The following KIAA0930 variants were observed in gnomAD, a reference collection of about 807,000 sequenced individuals.
KIAA0930 encodes uncharacterized protein KIAA0930.
Under a neutral mutation model 43.9 loss-of-function variants are expected in KIAA0930, and 24 were observed. The observed-to-expected ratio is 0.55, with a 90% confidence interval of 0.40 to 0.77. The LOEUF (loss-of-function observed/expected upper bound fraction) is 0.77. Ranked by LOEUF, KIAA0930 falls within the 30% of genes least tolerant of loss-of-function variation. KIAA0930 has a pLI of 0.00. For missense variants in KIAA0930, 461 were observed against 574.2 expected, an observed-to-expected ratio of 0.80 and a Z score of 2.02; for synonymous variants, 259 against 216.4, an observed-to-expected ratio of 1.20 and a Z score of -1.73.
At chr22:45,214,842 G>C (rs144025279) in intron 1 of KIAA0930, among the ~76,000 whole-genome samples, 2 of 152,162 alleles carry the variant, frequency 1.3e-5, no homozygotes, top group Non-Finnish European at 2.9e-5. Flanking sequence ...CCAGGAGTTC[G>C]AGGCTGCAGT....
chr22:45,204,014 G>A (rs778911788), intron 5 of KIAA0930, 29 bp from the exon 6 acceptor site: 37 of 1,612,688 alleles, frequency 2.3e-5, no homozygotes, highest in Non-Finnish European at 2.5e-5. Context: ...AGACAGGGAC[G>A]TGACCATCAG....
rs537857098 is a variant in KIAA0930 at position 45,200,085 on chromosome 22, C to T, written c.853-50G>A. On this transcript the variant is annotated intron_variant, in intron 7 of 9. Transcript: ENST00000336156. Reference sequence around the variant, plus strand: ...CAGAGTAGCAGAACAGCCCCCTCCCCGGGGGTCCCAACGCCCCTCCTATCC... The same window carrying T: ...CAGAGTAGCAGAACAGCCCCCTCCCTGGGGGTCCCAACGCCCCTCCTATCC... 5.4e-5 allele frequency: 82 copies of T among 1,522,254 alleles called. 1 individual carries two copies. The highest frequency in any genetic ancestry group is 1.5e-4 in the East Asian group (6 of 39,590). 94.3% of individuals were successfully genotyped at this position (1,522,254 alleles called of 1,614,324 possible).
At chr22:45,228,632 AC>A (rs2083818008) in intron 1 of KIAA0930, among the ~76,000 whole-genome samples, 1 of 151,644 alleles carries the variant, frequency 6.6e-6, no homozygotes, top group Admixed American at 6.6e-5. Flanking sequence ...TGTGGGCAAT[AC>A]CTCGCTCAAG....
intron 1 of KIAA0930, chr22:45,213,496 G>A (rs534965653): frequency 2.9e-5 from 34 of 1,192,758 alleles, no homozygotes; most frequent in Admixed American, 7.0e-5. Context: ...CCGGGGGAAC[G>A]AAACACGCGT....
chr22:45,210,635 C>T (rs540424710), intron 2 of KIAA0930, among the ~76,000 whole-genome samples: 95 of 152,280 alleles, frequency 6.2e-4, no homozygotes, highest in African/African-American at 2.2e-3. Context: ...GATTGTACAC[C>T]CAGACAGGGC....
intron 1 of KIAA0930, among the ~76,000 whole-genome samples, chr22:45,237,339 A>AGG (rs1363212115): frequency 6.6e-6 from 1 of 152,224 alleles, no homozygotes; most frequent in Non-Finnish European, 1.5e-5. Flanking sequence ...CCCACAAGGC[A>AGG]GGGATCAGGG....
In KIAA0930 at chr22:45,203,887, G is replaced by A. The variant is rs764310659; in HGVS notation, c.615C>T (p.Gly205=). The A allele has an allele frequency of 3.7e-6, 6 of 1,614,072 alleles. No individual in the cohort carries two copies. In the Admixed American group the frequency reaches 8.3e-5, roughly 22 times the overall value. The stretch of plus-strand genomic sequence containing the variant: ...TCTTGAGCGCCTCGTAGCGGATGGA[G>A]CCCTGAAAGATGACCCCCTGGAACG... ...TNTFQGVIFQ[G]SIRYEALKKV... The change falls in exon 6 of 10, where the codon GGC becomes GGT. Residue 205 remains glycine, a synonymous_variant. Coordinates refer to ENST00000336156, the MANE Select transcript of KIAA0930 (RefSeq NM_001009880.2).
chr22:45,212,275 T>G (rs768786233), intron 1 of KIAA0930, 168 bp from the exon 2 acceptor site: 6 of 1,613,120 alleles, frequency 3.7e-6, no homozygotes, highest in East Asian at 2.2e-5. Flanking sequence ...CCATGGAGCA[T>G]CCAGAGAGGC....
chr22:45,228,088 AG>A (rs1356224200), intron 1 of KIAA0930, among the ~76,000 whole-genome samples: 1 of 152,190 alleles, frequency 6.6e-6, no homozygotes, highest in Admixed American at 6.5e-5. Flanking sequence ...CAGGAAATCT[AG>A]GACCCAAAGT....
intron 1 of KIAA0930, among the ~76,000 whole-genome samples, chr22:45,214,787 T>C (rs1205999168): frequency 6.6e-6 from 1 of 152,122 alleles, no homozygotes; most frequent in African/African-American, 2.4e-5. Context: ...CATGTGGCTA[T>C]GGTCCCAGCT....
intron 1 of KIAA0930, among the ~76,000 whole-genome samples, chr22:45,223,024 G>T (rs186512707): frequency 3.9e-5 from 6 of 152,232 alleles, no homozygotes; most frequent in Admixed American, 3.3e-4. Flanking sequence ...AATCACAAAC[G>T]CATTTTACCT....
intron 1 of KIAA0930, among the ~76,000 whole-genome samples, chr22:45,240,083 CG>C (rs1400774307): frequency 6.6e-6 from 1 of 151,846 alleles, no homozygotes; most frequent in Non-Finnish European, 1.5e-5. Flanking sequence ...CGGGCGGGTT[CG>C]GGGGGCCATT....
chr22:45,197,145 G>A lies in KIAA0930; in HGVS notation c.*31C>T, dbSNP rs1206192362. 7.2e-6 allele frequency: 11 copies of A among 1,531,208 alleles called. No homozygotes were observed. Among genetic ancestry groups the A allele is most frequent in the Non-Finnish European group, 9.7e-6 (11 of 1,135,522 alleles). The allele number at this position is 1,531,208 out of a possible 1,614,324, so 94.9% of individuals were successfully genotyped here. Reference sequence around the variant, plus strand: ...TGGCAGCACTCCGAGGGCTGGGCCCGGCCGGGGCTCTGCGCAGGCTCCGCA... The same window carrying A: ...TGGCAGCACTCCGAGGGCTGGGCCCAGCCGGGGCTCTGCGCAGGCTCCGCA... On this transcript the variant is annotated 3_prime_UTR_variant, in exon 10 of 10. Coordinates refer to ENST00000336156, the MANE Select transcript of KIAA0930 (RefSeq NM_001009880.2).
intron 1 of KIAA0930, among the ~76,000 whole-genome samples, chr22:45,217,684 T>C (rs571053203): frequency 6.6e-6 from 1 of 152,278 alleles, no homozygotes; most frequent in East Asian, 1.9e-4. Context: ...AGGTAAGGAA[T>C]TTTTCGACAC....
At chr22:45,234,424 G>A (rs185701368) in intron 1 of KIAA0930, among the ~76,000 whole-genome samples, 59 of 152,344 alleles carry the variant, frequency 3.9e-4, no homozygotes, top group African/African-American at 1.4e-3. Context: ...GTCTGAGGCT[G>A]GATCCTTTCT....
intron 1 of KIAA0930, among the ~76,000 whole-genome samples, chr22:45,216,434 C>T (rs12628758): frequency 0.33 from 49,459 of 151,730 alleles, 8,277 homozygotes; most frequent in South Asian, 0.55. Flanking sequence ...TGCTGCCCTG[C>T]ATGTCAGAAA....
intron 1 of KIAA0930, among the ~76,000 whole-genome samples, chr22:45,220,413 C>T (rs1601820873): frequency 6.6e-6 from 1 of 151,848 alleles, no homozygotes; most frequent in East Asian, 1.9e-4. Context: ...GAGATCGGGC[C>T]ACTCCAGCCT....
intron 8 of KIAA0930, 135 bp from the exon 9 acceptor site, chr22:45,198,083 G>A (rs1425933029): frequency 2.6e-6 from 2 of 770,012 alleles, no homozygotes; most frequent in Non-Finnish European, 4.2e-6. Context: ...CCCCACACCA[G>A]CACCCACACG....
intron 1 of KIAA0930, among the ~76,000 whole-genome samples, chr22:45,221,830 G>C (rs2083769594): frequency 6.6e-6 from 1 of 152,150 alleles, no homozygotes; most frequent in Non-Finnish European, 1.5e-5. Flanking sequence ...TGCCTCCCAG[G>C]TTCAAGCGAT....
Sources: gnomAD v4.1 joint callset for allele counts (sites outside exome capture counted in the v4.1 genomes callset) on GRCh38, gnomAD v4.1.1 for gene constraint, MANE v1.5 for transcripts, NCBI Gene and HGNC (gene_info 2026-07-23, HGNC 2026-07-21) for gene names.